PBX3: variants seen among roughly 807,000 people sequenced by gnomAD.
PBX3 encodes pre-B-cell leukemia transcription factor 3.
In PBX3, 14 loss-of-function variants were observed where a neutral mutation model predicts 48.5. The ratio of observed to expected loss-of-function variants is 0.29; its 90% CI spans 0.19 to 0.45. The LOEUF (loss-of-function observed/expected upper bound fraction) is 0.45, where lower values mean the gene tolerates loss of function less well. Among genes scored for constraint, PBX3 ranks in the 20% least tolerant of loss-of-function variants. The pLI is 1.00. For missense variants in PBX3, 386 were observed against 546.7 expected (o/e 0.71, Z 2.93); for synonymous variants, 210 against 200.3 (o/e 1.05, Z -0.41).
chr9:125,940,323 C>T (rs1347835405), intron 5 of PBX3, among the ~76,000 whole-genome samples: 1 of 152,122 alleles, frequency 6.6e-6, no homozygotes, highest in Admixed American at 6.5e-5. Flanking sequence ...GCATTACAAA[C>T]CTGCATATAT....
At position 125,747,478 on chromosome 9, in the gene PBX3, C is replaced by A; in HGVS notation, c.25C>A (p.Gln9Lys). 6.3e-7 allele frequency: 1 copy of A among 1,578,140 alleles called. No individual in the cohort carries two copies. The highest frequency in any genetic ancestry group is 8.6e-7 in the Non-Finnish European group (1 of 1,164,060). ...GATGGACGATCAATCCAGGATGCTG[C>A]AGACTCTGGCCGGGGTGAACCTGGC... MDDQSRML[Q>K]TLAGVNLAGH... Residue 9 changes from glutamine (Q) to lysine (K), a missense_variant, in exon 1 of 9, where the codon CAG becomes AAG. By Grantham distance (53) the Gln-to-Lys change is moderately conservative. This residue lies in a region of PBX3 where 116 missense variants were observed against 98.2 expected (regional missense o/e 1.18). Transcript: ENST00000373489.
intron 2 of PBX3, among the ~76,000 whole-genome samples, chr9:125,802,359 ATTTT>A (rs57805307): frequency 1.3e-4 from 9 of 67,762 alleles, no homozygotes; most frequent in East Asian, 8.4e-4. Context: ...ACATTAGTGC[ATTTT>A]TTTTTTTTTT....
intron 2 of PBX3, among the ~76,000 whole-genome samples, chr9:125,899,487 A>AGAGAGAGC (rs1554726038): frequency 1.6e-5 from 2 of 123,084 alleles, no homozygotes; most frequent in Non-Finnish European, 3.5e-5. Flanking sequence ...AGAGAGAGAG[A>AGAGAGAGC]GCTCACCCAC....
At chr9:125,877,150 G>A (rs1439472344) in intron 2 of PBX3, among the ~76,000 whole-genome samples, 2 of 152,124 alleles carry the variant, frequency 1.3e-5, no homozygotes, top group Non-Finnish European at 2.9e-5. Context: ...CTCCCCTAGA[G>A]GCACACACAG....
At chr9:125,889,740 G>C (rs1009720313) in intron 2 of PBX3, among the ~76,000 whole-genome samples, 1 of 151,018 alleles carries the variant, frequency 6.6e-6, no homozygotes, top group African/African-American at 2.4e-5. Context: ...AGCCAGCAGG[G>C]CGGGGGCGCG....
At chr9:125,749,503 G>A (rs1014239446) in intron 2 of PBX3, 1 of 151,722 alleles carries the variant, frequency 6.6e-6, no homozygotes, top group African/African-American at 2.4e-5. Context: ...CCCTGTATGT[G>A]GCAAACAAGT....
intron 2 of PBX3, among the ~76,000 whole-genome samples, chr9:125,850,725 T>G (rs1213792189): frequency 6.6e-6 from 1 of 152,098 alleles, no homozygotes; most frequent in Non-Finnish European, 1.5e-5. Flanking sequence ...GCACATGAAT[T>G]AAGTTTGTAA....
At chr9:125,750,605 AG>A (rs1836344976) in intron 2 of PBX3, among the ~76,000 whole-genome samples, 1 of 152,268 alleles carries the variant, frequency 6.6e-6, no homozygotes, top group Admixed American at 6.5e-5. Flanking sequence ...ACCAAGAGGC[AG>A]CTGACAAAAG....
intron 2 of PBX3, among the ~76,000 whole-genome samples, chr9:125,793,376 T>G (rs1034744037): frequency 7.3e-6 from 1 of 136,254 alleles, no homozygotes; most frequent in Admixed American, 8.2e-5. Flanking sequence ...AATATATATA[T>G]ATATATATAT....
At chr9:125,767,363 A>C (rs1182213363) in intron 2 of PBX3, among the ~76,000 whole-genome samples, 1 of 152,212 alleles carries the variant, frequency 6.6e-6, no homozygotes, top group Non-Finnish European at 1.5e-5. Flanking sequence ...GCTCATAACT[A>C]TTTGGCTGGT....
chr9:125,935,819 C>T (rs1841823812), intron 5 of PBX3, among the ~76,000 whole-genome samples: 1 of 152,194 alleles, frequency 6.6e-6, no homozygotes, highest in Admixed American at 6.5e-5. Context: ...ACCACCACCA[C>T]CCCCATTCCC....
intron 5 of PBX3, among the ~76,000 whole-genome samples, chr9:125,944,045 A>ATC (rs1842017995): frequency 6.6e-6 from 1 of 152,210 alleles, no homozygotes; most frequent in Admixed American, 6.5e-5. Context: ...ATGACAGGGT[A>ATC]GAGAGTGGAT....
At chr9:125,809,200 A>C (rs565374330) in intron 2 of PBX3, among the ~76,000 whole-genome samples, 1 of 152,336 alleles carries the variant, frequency 6.6e-6, no homozygotes, top group Admixed American at 6.5e-5. Flanking sequence ...GGTGTTGGGC[A>C]AATCAAATTT....
At chr9:125,803,738 C>T (rs901493846) in intron 2 of PBX3, among the ~76,000 whole-genome samples, 5 of 152,182 alleles carry the variant, frequency 3.3e-5, no homozygotes, top group African/African-American at 4.8e-5. Context: ...TGACTACTCT[C>T]GTTTATTTTT....
At chr9:125,781,872 GT>G (rs1048480802) in intron 2 of PBX3, among the ~76,000 whole-genome samples, 2 of 151,548 alleles carry the variant, frequency 1.3e-5, no homozygotes, top group Admixed American at 6.6e-5. Flanking sequence ...TGCTATATAA[GT>G]TTTGGTATGT....
At chr9:125,763,649 G>A (rs1165754594) in intron 2 of PBX3, among the ~76,000 whole-genome samples, 2 of 152,086 alleles carry the variant, frequency 1.3e-5, no homozygotes, top group African/African-American at 2.4e-5. Flanking sequence ...AGGAGCGAAC[G>A]GTGCTGTAAC....
intron 2 of PBX3, among the ~76,000 whole-genome samples, chr9:125,881,462 A>G (rs895714281): frequency 6.6e-6 from 1 of 152,222 alleles, no homozygotes; most frequent in African/African-American, 2.4e-5. Flanking sequence ...TTCTGGCAGA[A>G]TTTAAAAACA....
intron 5 of PBX3, among the ~76,000 whole-genome samples, chr9:125,957,217 C>T (rs1182382031): frequency 1.3e-5 from 2 of 152,170 alleles, no homozygotes; most frequent in South Asian, 2.1e-4. Context: ...TTAAACATAA[C>T]GAATGATCAC....
chr9:125,761,953 G>C (rs1363251895), intron 2 of PBX3, among the ~76,000 whole-genome samples: 1 of 152,172 alleles, frequency 6.6e-6, no homozygotes, highest in Non-Finnish European at 1.5e-5. Context: ...AGGGGAAATG[G>C]ATACTTGAAG....
Sources: allele counts gnomAD v4.1 joint callset (sites outside exome capture counted in the v4.1 genomes callset), GRCh38; gene constraint gnomAD v4.1.1; regional missense constraint gnomAD v4.1.1; transcripts MANE v1.5; gene names NCBI Gene and HGNC (gene_info 2026-07-23, HGNC 2026-07-21).